SCML4: variants seen among roughly 807,000 people sequenced by gnomAD.
SCML4 encodes sex comb on midleg-like protein 4.
SCML4 carries 34 observed loss-of-function variants against 41.1 expected under a neutral mutation model. The ratio of observed to expected loss-of-function variants is 0.83; its 90% CI spans 0.63 to 1.10. The LOEUF is 1.10. Ranked by LOEUF, SCML4 falls within the 50% of genes least tolerant of loss-of-function variation. SCML4 has a pLI of 0.00. For missense variants in SCML4, 522 were observed against 534.1 expected (o/e 0.98, Z 0.22); for synonymous variants, 214 against 220.9 (o/e 0.97, Z 0.28).
chr6:107,808,726 T>G (rs1034425351), intron 1 of SCML4, among the ~76,000 whole-genome samples: 1 of 152,254 alleles, frequency 6.6e-6, no homozygotes. Context: ...TTCATTTCTA[T>G]TTTTGCATAT....
At chr6:107,841,619 T>C in the SCML4 span, among the ~76,000 whole-genome samples, 1 of 152,178 alleles carries the variant, frequency 6.6e-6, no homozygotes, top group Non-Finnish European at 1.5e-5. Context: ...TCAAAATAGA[T>C]TGACTGTATG....
intron 5 of SCML4, among the ~76,000 whole-genome samples, chr6:107,741,301 C>T (rs542855558): frequency 6.6e-6 from 1 of 152,292 alleles, no homozygotes; most frequent in South Asian, 2.1e-4. Context: ...TCAAGTCCCT[C>T]CCTCCATCTG....
chr6:107,844,326 A>G, the SCML4 span, among the ~76,000 whole-genome samples: 1 of 152,250 alleles, frequency 6.6e-6, no homozygotes, highest in African/African-American at 2.4e-5. Flanking sequence ...ATGGTCTTCT[A>G]TCACAATCTC....
chr6:107,803,327 T>A (rs992421287), intron 1 of SCML4, among the ~76,000 whole-genome samples: 2 of 151,374 alleles, frequency 1.3e-5, no homozygotes, highest in African/African-American at 4.9e-5. Context: ...CCACTTTGTC[T>A]GGGAAGTGAG....
intron 6 of SCML4, chr6:107,720,225 G>T: frequency 1.4e-6 from 1 of 708,042 alleles, no homozygotes; most frequent in Non-Finnish European, 1.7e-6. Context: ...TTTTGCCAAT[G>T]AGATGTGAGT....
intron 7 of SCML4, among the ~76,000 whole-genome samples, chr6:107,706,560 C>T (rs971637803): frequency 2.6e-5 from 4 of 152,182 alleles, no homozygotes; most frequent in South Asian, 2.1e-4. Flanking sequence ...CCATGCACGA[C>T]GTCTGGATTC....
rs1773423947 is a variant in SCML4 at position 107,704,529 on chromosome 6, A to G, written c.*671T>C. 1 of 152,610 alleles carries G rather than the reference A, an allele frequency of 6.6e-6. No homozygotes were observed. The highest frequency in any genetic ancestry group is 1.5e-5 in the Non-Finnish European group (1 of 68,384). The allele number at this position is 152,610 out of a possible 1,614,324, so 9.5% of individuals were successfully genotyped here. On this transcript the variant is annotated 3_prime_UTR_variant, in exon 8 of 8. Coordinates refer to ENST00000369020, the MANE Select transcript of SCML4 (RefSeq NM_198081.5). ...ATCTTGTTCACAGACACCCTAACCCATCCACTCAGTACTGAACAATCCTGC... is the reference window on the plus strand; with the variant it reads ...ATCTTGTTCACAGACACCCTAACCCGTCCACTCAGTACTGAACAATCCTGC...
Position 107,793,612 on chromosome 6 carries a change from A to G in SCML4, c.-59-21226T>C, listed in dbSNP as rs552407170. Among the ~76,000 whole-genome samples the G allele has an allele frequency of 5.3e-5, 8 of 152,234 alleles. No homozygotes were observed. In the South Asian group the frequency reaches 1.7e-3, roughly 32 times the overall value. On this transcript the variant is annotated intron_variant, in intron 1 of 7. Transcript: ENST00000369020. ...CTTTTCTTCCTGAGGCAGATCCTAAACTCTAAGAAGCCCAATTTGGTAAGG... is the reference window on the plus strand; with the variant it reads ...CTTTTCTTCCTGAGGCAGATCCTAAGCTCTAAGAAGCCCAATTTGGTAAGG...
the SCML4 span, among the ~76,000 whole-genome samples, chr6:107,837,905 C>CT: frequency 2.4e-3 from 272 of 115,306 alleles, no homozygotes; most frequent in East Asian, 0.011. Flanking sequence ...TTATGATTTT[C>CT]TTTTTTTTTT....
chr6:107,786,513 C>T (rs1400826826), intron 1 of SCML4, among the ~76,000 whole-genome samples: 1 of 152,164 alleles, frequency 6.6e-6, no homozygotes, highest in African/African-American at 2.4e-5. Flanking sequence ...TATCACAGCA[C>T]CTACAACATG....
chr6:107,716,342 A>G (rs1774791010), intron 6 of SCML4, among the ~76,000 whole-genome samples: 1 of 152,238 alleles, frequency 6.6e-6, no homozygotes, highest in South Asian at 2.1e-4. Context: ...TTTGGAGCCC[A>G]CTGAAGTCAG....
chr6:107,718,047 T>C (rs1775006465), intron 6 of SCML4, among the ~76,000 whole-genome samples: 1 of 152,162 alleles, frequency 6.6e-6, no homozygotes, highest in South Asian at 2.1e-4. Flanking sequence ...TTCTCAGAGC[T>C]GGAGGCTGAG....
chr6:107,740,098 G>C, intron 5 of SCML4: 1 of 470,852 alleles, frequency 2.1e-6, no homozygotes, highest in Non-Finnish European at 4.4e-6. Context: ...AGCTGACTGG[G>C]AGGAAAACCA....
chr6:107,778,222 AATATAT>A (rs1163805768), intron 1 of SCML4, among the ~76,000 whole-genome samples: 158 of 15,136 alleles, frequency 0.01, no homozygotes, highest in Non-Finnish European at 0.012. Context: ...AAAAAAAAAA[AATATAT>A]ATATATATAT....
At chr6:107,800,259 C>T (rs1300832313) in intron 1 of SCML4, among the ~76,000 whole-genome samples, 1 of 152,178 alleles carries the variant, frequency 6.6e-6, no homozygotes, top group Non-Finnish European at 1.5e-5. Context: ...ATTGTGTTAA[C>T]AGTGGATAAT....
intron 3 of SCML4, 131 bp downstream of exon 3, chr6:107,749,553 A>C: frequency 9.8e-7 from 1 of 1,015,776 alleles, no homozygotes; most frequent in Non-Finnish European, 1.5e-6. Flanking sequence ...TCTGCTGCCT[A>C]GCTAGCACAC....
the SCML4 span, among the ~76,000 whole-genome samples, chr6:107,835,215 G>A: frequency 2.6e-5 from 4 of 151,784 alleles, no homozygotes; most frequent in Non-Finnish European, 4.4e-5. Flanking sequence ...ACAAAAATTA[G>A]CTGGGAGTGG....
At chr6:107,803,241 C>T (rs1005231507) in intron 1 of SCML4, among the ~76,000 whole-genome samples, 1 of 143,222 alleles carries the variant, frequency 7.0e-6, no homozygotes, top group Admixed American at 6.9e-5. Flanking sequence ...GCCCGGCCGC[C>T]CTGTCTGAGA....
chr6:107,718,261 C>G (rs1775028242), intron 6 of SCML4, among the ~76,000 whole-genome samples: 1 of 152,168 alleles, frequency 6.6e-6, no homozygotes, highest in Non-Finnish European at 1.5e-5. Context: ...CTGTGGTAGC[C>G]AGTAAGTCTC....
Sources: gnomAD v4.1 joint callset for allele counts (sites outside exome capture counted in the v4.1 genomes callset) on GRCh38, gnomAD v4.1.1 for gene constraint, MANE v1.5 for transcripts, NCBI Gene and HGNC (gene_info 2026-07-23, HGNC 2026-07-21) for gene names.